The following NOP58 variants were observed in gnomAD, a reference collection of about 807,000 sequenced individuals.
The protein encoded by NOP58 is nucleolar protein 58.
Under a neutral mutation model 71.2 loss-of-function variants are expected in NOP58, and 44 were observed. The observed-to-expected ratio is 0.62, with a 90% confidence interval of 0.49 to 0.79. NOP58 has a LOEUF of 0.79. NOP58 is among the 30% of genes least tolerant of loss of function. NOP58 has a pLI of 0.00. For synonymous variants in NOP58, 228 were observed against 200.3 expected (o/e 1.14, Z -1.17); for missense variants, 538 against 620.2 (o/e 0.87, Z 1.41).
chr2:202,290,116 T>A (rs1313275541), intron 6 of NOP58, among the ~76,000 whole-genome samples: 1 of 152,002 alleles, frequency 6.6e-6, no homozygotes, highest in African/African-American at 2.4e-5. Flanking sequence ...CCACCATGCC[T>A]GGCTAATTTT....
At chr2:202,288,485 TAAAAAAAAA>T (rs369945744) in intron 6 of NOP58, among the ~76,000 whole-genome samples, 18 of 115,160 alleles carry the variant, frequency 1.6e-4, no homozygotes, top group African/African-American at 4.9e-4. Context: ...TCCATCTCAC[TAAAAAAAAA>T]AAAAAAAAAT....
intron 9 of NOP58, among the ~76,000 whole-genome samples, chr2:202,295,466 A>G (rs1688973856): frequency 6.6e-6 from 1 of 152,230 alleles, no homozygotes. Context: ...AGTTTGTCCT[A>G]GGCATTCATT....
chr2:202,297,657 A>T lies in NOP58; in HGVS notation c.1206+144A>T. 7.6e-6 allele frequency: 7 copies of T among 916,084 alleles called. No homozygotes were observed. The South Asian group carries it at 1.3e-4, about 17-fold the overall frequency. 56.7% of individuals were successfully genotyped at this position (916,084 alleles called of 1,614,324 possible). A position where few individuals can be genotyped will look rare whatever the true frequency, so the allele number is the denominator to read the frequency against. On this transcript the variant is annotated intron_variant, in intron 11 of 14. Coordinates refer to ENST00000264279, the MANE Select transcript of NOP58 (RefSeq NM_015934.5). ...ATTCTTTTTGTGCCTACTGTTAACAATTGCTATTATTTACCAAGAATTGAT... is the reference window on the plus strand; with the variant it reads ...ATTCTTTTTGTGCCTACTGTTAACATTTGCTATTATTTACCAAGAATTGAT...
chr2:202,292,937 G>A (rs1425123831), intron 9 of NOP58, 34 bp downstream of exon 9: 3 of 1,610,582 alleles, frequency 1.9e-6, no homozygotes, highest in Non-Finnish European at 2.5e-6. Context: ...AAATATGAGT[G>A]TTTGAAGTAT....
chr2:202,303,126 A>T (rs1218268661), intron 14 of NOP58, 69 bp downstream of exon 14: 17 of 1,516,586 alleles, frequency 1.1e-5, no homozygotes, highest in Non-Finnish European at 1.5e-5. Flanking sequence ...TCTATTTTCT[A>T]TATCAGAAAT....
In NOP58 at chr2:202,279,724, G is replaced by C. The variant is rs1430066993; in HGVS notation, c.175+1722G>C. On this transcript the variant is annotated intron_variant, in intron 3 of 14. Coordinates refer to ENST00000264279, the MANE Select transcript of NOP58 (RefSeq NM_015934.5). ...CAGGAGAAACACTTGAACCTGGTAGGCAGAGATAGCACTGAGCCAAGATTG... is the reference window on the plus strand; with the variant it reads ...CAGGAGAAACACTTGAACCTGGTAGCCAGAGATAGCACTGAGCCAAGATTG... Among the ~76,000 whole-genome samples, 3 of 152,322 alleles carry C rather than the reference G, an allele frequency of 2.0e-5. No individual in the cohort carries two copies. In the East Asian group the frequency reaches 5.8e-4, roughly 29 times the overall value.
rs757348573 is a variant in NOP58 at position 202,290,359 on chromosome 2, A to G, written c.536A>G (p.Tyr179Cys). Residue 179 changes from tyrosine (Y) to cysteine (C), a missense_variant, in exon 7 of 15, where the codon TAC becomes TGC. Tyr to Cys is a radical substitution (Grantham distance 194). Coordinates refer to ENST00000264279, the MANE Select transcript of NOP58 (RefSeq NM_015934.5). The stretch of plus-strand genomic sequence containing the variant: ...GACTTGGATAAAGAACTAAACAACT[A>G]CATTATGCGATGTAGAGAATGGTAT... ...LDDLDKELNNYIMRCREWYGW... is the reference protein window; with the variant it reads ...LDDLDKELNNCIMRCREWYGW... 8.1e-6 allele frequency: 13 copies of G among 1,609,354 alleles called. No individual in the cohort carries two copies. The highest frequency in any genetic ancestry group is 1.1e-5 in the South Asian group (1 of 90,714).
At chr2:202,277,921 A>T in intron 2 of NOP58, 29 bp from the exon 3 acceptor site, 1 of 1,245,242 alleles carries the variant, frequency 8.0e-7, no homozygotes. Flanking sequence ...CCCCAATAAC[A>T]TGTTTATCTC....
intron 4 of NOP58, among the ~76,000 whole-genome samples, chr2:202,282,955 A>G (rs776273134): frequency 6.6e-6 from 1 of 152,116 alleles, no homozygotes; most frequent in African/African-American, 2.4e-5. Context: ...TCACACCTAT[A>G]ATAATCCCAG....
At chr2:202,295,865 T>A (rs754060551) in intron 10 of NOP58, 28 bp downstream of exon 10, 3 of 1,501,292 alleles carry the variant, frequency 2.0e-6, no homozygotes, top group Middle Eastern at 1.8e-4. Flanking sequence ...GCTTTGTTTT[T>A]GAGGTTAGAC....
At chr2:202,289,311 A>T (rs1486376945) in intron 6 of NOP58, among the ~76,000 whole-genome samples, 2 of 152,212 alleles carry the variant, frequency 1.3e-5, no homozygotes, top group Non-Finnish European at 2.9e-5. Context: ...ATGCAGCTTG[A>T]ATGTCCCTAA....
chr2:202,282,511 A>C, intron 4 of NOP58, 39 bp downstream of exon 4: 8 of 1,576,244 alleles, frequency 5.1e-6, no homozygotes, highest in Non-Finnish European at 6.9e-6. Flanking sequence ...TGCTAGTCAG[A>C]TCTCACAGCA....
At chr2:202,283,206 C>A (rs1392056445) in intron 4 of NOP58, among the ~76,000 whole-genome samples, 1 of 152,104 alleles carries the variant, frequency 6.6e-6, no homozygotes, top group Non-Finnish European at 1.5e-5. Context: ...CACATGCCAC[C>A]ATGCTGGCTA....
intron 4 of NOP58, among the ~76,000 whole-genome samples, chr2:202,282,989 G>A (rs906442638): frequency 6.6e-6 from 1 of 152,136 alleles, no homozygotes; most frequent in African/African-American, 2.4e-5. Flanking sequence ...CAAGGTAGGA[G>A]TATCACGAGG....
rs2105845940 is a variant in NOP58, at chr2:202,284,495, GA to G, written c.434+18del. 1.2e-6 allele frequency: 2 copies of G among 1,608,770 alleles called. No homozygotes were observed. The highest frequency in any genetic ancestry group is 1.7e-6 in the Non-Finnish European group (2 of 1,178,594). On this transcript the variant is annotated intron_variant, in intron 5 of 14. Coordinates refer to ENST00000264279, the MANE Select transcript of NOP58 (RefSeq NM_015934.5). ...ATTGGCTCACAGGTGAGAATTACTGGAAAATAAAGTCAACTTACTTTTATTT... is the reference window on the plus strand; with the variant it reads ...ATTGGCTCACAGGTGAGAATTACTGGAAATAAAGTCAACTTACTTTTATTT...
At chr2:202,284,754 A>G (rs892719388) in intron 5 of NOP58, 9 of 319,430 alleles carry the variant, frequency 2.8e-5, no homozygotes, top group Non-Finnish European at 4.0e-5. Flanking sequence ...TACTACTCTG[A>G]TCTTGGATGC....
Position 202,303,633 on chromosome 2 carries a change from A to G in NOP58, c.*197A>G. On this transcript the variant is annotated 3_prime_UTR_variant, in exon 15 of 15. Coordinates refer to ENST00000264279, the MANE Select transcript of NOP58 (RefSeq NM_015934.5). ...GTCATCATTTCTTAGAGTCTTTGAT[A>G]TACAAATAAAATTTTCTTTGTATTT... 1.9e-6 allele frequency: 1 copy of G among 516,170 alleles called. No individual in the cohort carries two copies. 32.0% of individuals were successfully genotyped at this position (516,170 alleles called of 1,614,324 possible).
intron 1 of NOP58, among the ~76,000 whole-genome samples, chr2:202,271,047 A>G (rs1475678287): frequency 3.3e-5 from 5 of 151,296 alleles, no homozygotes; most frequent in African/African-American, 7.3e-5. Context: ...GCGCCTCTGC[A>G]CTCCCCAGCC....
chr2:202,276,953 A>G (rs1314858622), intron 2 of NOP58, among the ~76,000 whole-genome samples: 2 of 151,652 alleles, frequency 1.3e-5, no homozygotes, highest in East Asian at 3.9e-4. Context: ...CCTGGCCAAT[A>G]TGGTGAAACC....
Sources: allele counts gnomAD v4.1 joint callset (sites outside exome capture counted in the v4.1 genomes callset), GRCh38; gene constraint gnomAD v4.1.1; transcripts MANE v1.5; gene names NCBI Gene and HGNC (gene_info 2026-07-23, HGNC 2026-07-21).